Variants in MAGI2 observed in about 807,000 individuals in gnomAD.
The protein encoded by MAGI2 is membrane-associated guanylate kinase, WW and PDZ domain-containing protein 2.
A neutral mutation model predicts 133.3 loss-of-function variants in MAGI2; 35 were observed. The ratio of observed to expected loss-of-function variants is 0.26; its 90% confidence interval spans 0.20 to 0.35. The LOEUF (loss-of-function observed/expected upper bound fraction) is 0.35, where lower values mean the gene tolerates loss of function less well. Among genes scored for constraint, MAGI2 ranks in the 10% least tolerant of loss-of-function variants. The pLI, the probability that MAGI2 is intolerant of heterozygous loss-of-function variation, is 1.00. For synonymous variants in MAGI2, 729 were observed against 710.6 expected, an observed-to-expected ratio of 1.03 and a Z score of -0.41; for missense variants, 1,636 against 1,863.4, an observed-to-expected ratio of 0.88 and a Z score of 2.25.
At chr7:79,343,549 A>G (rs200491726) in intron 1 of MAGI2, among the ~76,000 whole-genome samples, 5 of 2,698 alleles carry the variant, frequency 1.9e-3, no homozygotes, top group African/African-American at 6.5e-3. Flanking sequence ...TATTTTCTTT[A>G]AAAAAAAAAA....
At chr7:78,418,744 G>C (rs1303878612) in intron 6 of MAGI2, among the ~76,000 whole-genome samples, 3 of 152,100 alleles carry the variant, frequency 2.0e-5, no homozygotes, top group African/African-American at 7.2e-5. Flanking sequence ...AGTCTCATCT[G>C]AAAAGGGCAA....
chr7:78,662,944 T>C (rs569536726), intron 2 of MAGI2, among the ~76,000 whole-genome samples: 1 of 152,172 alleles, frequency 6.6e-6, no homozygotes, highest in East Asian at 1.9e-4. Flanking sequence ...ACTTACAGAA[T>C]AGTAATCTAG....
chr7:78,044,697 G>GTA (rs1554419068), intron 21 of MAGI2, among the ~76,000 whole-genome samples: 2 of 112,336 alleles, frequency 1.8e-5, no homozygotes, highest in Non-Finnish European at 3.7e-5. Context: ...GTGTGTGTGT[G>GTA]TGTGTGTGCA....
At chr7:78,859,260 G>A (rs544348373) in intron 2 of MAGI2, among the ~76,000 whole-genome samples, 89 of 152,260 alleles carry the variant, frequency 5.8e-4, no homozygotes, top group African/African-American at 2.0e-3. Context: ...ATATTGTTAT[G>A]TGTGAATTTG....
chr7:79,434,331 A>G (rs10953863), intron 1 of MAGI2, among the ~76,000 whole-genome samples: 122,930 of 151,620 alleles, frequency 0.81, 50,127 homozygotes, highest in African/African-American at 0.9. Flanking sequence ...CACAGAAGGT[A>G]TAGATTACAC....
intron 6 of MAGI2, among the ~76,000 whole-genome samples, chr7:78,475,972 C>T (rs1377741888): frequency 6.6e-6 from 1 of 151,850 alleles, no homozygotes; most frequent in Admixed American, 6.6e-5. Context: ...TGACTCCTCA[C>T]ATCATTGTTA....
chr7:79,239,467 A>T (rs1832210020), intron 1 of MAGI2, among the ~76,000 whole-genome samples: 1 of 152,152 alleles, frequency 6.6e-6, no homozygotes, highest in Non-Finnish European at 1.5e-5. Context: ...CTTTTCATTC[A>T]TTTATCAAAA....
At chr7:78,633,120 C>T (rs1411122512) in intron 2 of MAGI2, among the ~76,000 whole-genome samples, 1 of 152,176 alleles carries the variant, frequency 6.6e-6, no homozygotes, top group Non-Finnish European at 1.5e-5. Context: ...AGGCTATTAT[C>T]CTTAGCAAAC....
intron 2 of MAGI2, among the ~76,000 whole-genome samples, chr7:78,912,311 G>C (rs922629147): frequency 6.6e-6 from 1 of 152,130 alleles, no homozygotes; most frequent in Admixed American, 6.6e-5. Flanking sequence ...TGACTTCAAG[G>C]AGAAAGCAAT....
intron 3 of MAGI2, among the ~76,000 whole-genome samples, chr7:78,611,361 A>G (rs2150910774): frequency 6.6e-6 from 1 of 152,318 alleles, no homozygotes; most frequent in African/African-American, 2.4e-5. Flanking sequence ...TGTGAAACTT[A>G]GTCATTTAAA....
At position 79,443,285 on chromosome 7, in the gene MAGI2, CGTGTGTGT is replaced by C. The variant is rs10600873; in HGVS notation, c.301+9727_301+9734del. Reference sequence around the variant, plus strand: ...TGAAGTGTGTGTGTGTGTGTGTGTGCGTGTGTGTGTGTGTGTGTGTGTGTGTGTGTGTA... The same window carrying C: ...TGAAGTGTGTGTGTGTGTGTGTGTGCGTGTGTGTGTGTGTGTGTGTGTGTA... On this transcript the variant is annotated intron_variant, in intron 1 of 21. Coordinates refer to ENST00000354212, the MANE Select transcript of MAGI2 (RefSeq NM_012301.4). 1.1e-3 allele frequency among the ~76,000 whole-genome samples: 160 copies of C among 139,424 alleles called. 1 individual carries two copies. The highest frequency in any genetic ancestry group is 3.5e-3 in the Middle Eastern group (1 of 282). The allele number at this position is 139,424 out of a possible 152,430, so 91.5% of individuals were successfully genotyped here. A position where few individuals can be genotyped will look rare whatever the true frequency, so the allele number is the denominator to read the frequency against.
At chr7:78,656,989 T>TAA (rs5885084) in intron 2 of MAGI2, among the ~76,000 whole-genome samples, 5 of 104,076 alleles carry the variant, frequency 4.8e-5, no homozygotes, top group Non-Finnish European at 8.0e-5. Context: ...AAACCCAGTA[T>TAA]AAAAAAAAAA....
At chr7:78,028,543 C>A (rs2471575) in intron 21 of MAGI2, among the ~76,000 whole-genome samples, 18 of 152,104 alleles carry the variant, frequency 1.2e-4, no homozygotes, top group Non-Finnish European at 2.1e-4. Flanking sequence ...TTTAATCCTC[C>A]TAACAGTTCA....
intron 1 of MAGI2, among the ~76,000 whole-genome samples, chr7:79,280,816 T>G (rs1462744786): frequency 6.6e-6 from 1 of 150,884 alleles, no homozygotes; most frequent in East Asian, 2.0e-4. Context: ...TCCTAGCTAC[T>G]TGGTAGGTTG....
At chr7:78,681,663 G>C (rs1815675956) in intron 2 of MAGI2, among the ~76,000 whole-genome samples, 1 of 152,002 alleles carries the variant, frequency 6.6e-6, no homozygotes, top group South Asian at 2.1e-4. Flanking sequence ...CCCATGCACA[G>C]GAAGGAGACC....
At chr7:78,477,558 G>A (rs946043517) in intron 6 of MAGI2, among the ~76,000 whole-genome samples, 1 of 151,854 alleles carries the variant, frequency 6.6e-6, no homozygotes, top group Non-Finnish European at 1.5e-5. Flanking sequence ...GAAGAGCAAA[G>A]GGGTGTCTTA....
intron 9 of MAGI2, among the ~76,000 whole-genome samples, chr7:78,305,985 A>G (rs1413553303): frequency 1.3e-5 from 2 of 152,210 alleles, no homozygotes; most frequent in Non-Finnish European, 2.9e-5. Flanking sequence ...GAGAACTCAC[A>G]TTTGTTCAAA....
chr7:78,322,093 T>C (rs1238640394), intron 9 of MAGI2, among the ~76,000 whole-genome samples: 2 of 152,180 alleles, frequency 1.3e-5, no homozygotes, highest in Admixed American at 6.5e-5. Flanking sequence ...ATGGTGATCA[T>C]TGAAAAGTCA....
intron 1 of MAGI2, among the ~76,000 whole-genome samples, chr7:79,338,235 G>T (rs932211117): frequency 1.3e-5 from 2 of 152,140 alleles, no homozygotes; most frequent in Non-Finnish European, 2.9e-5. Flanking sequence ...GTTTGGAGAA[G>T]CAGGGGAAGC....
Sources: allele counts gnomAD v4.1 joint callset (sites outside exome capture counted in the v4.1 genomes callset), GRCh38; gene constraint gnomAD v4.1.1; transcripts MANE v1.5; gene names NCBI Gene and HGNC (gene_info 2026-07-23, HGNC 2026-07-21).